ANKRD45: variants seen among roughly 807,000 people sequenced by gnomAD.
ANKRD45 encodes ankyrin repeat domain-containing protein 45.
In ANKRD45, 21 loss-of-function variants were observed where a neutral mutation model predicts 28.1. That is an observed-to-expected ratio of 0.75 (90% CI 0.53 to 1.08). ANKRD45 has a LOEUF of 1.08. Ranked by LOEUF, ANKRD45 falls within the 50% of genes least tolerant of loss-of-function variation. ANKRD45 has a pLI of 0.00. For synonymous variants in ANKRD45, 86 were observed against 103.9 expected, an observed-to-expected ratio of 0.83 and a Z score of 1.05; for missense variants, 261 against 308.7, an observed-to-expected ratio of 0.85 and a Z score of 1.16.
At chr1:173,654,101 T>C (rs1008305697) in intron 2 of ANKRD45, among the ~76,000 whole-genome samples, 1 of 151,630 alleles carries the variant, frequency 6.6e-6, no homozygotes, top group Admixed American at 6.6e-5. Context: ...TTTACATTTA[T>C]GGTTAATATT....
chr1:173,621,665 T>G (rs1667710136), intron 5 of ANKRD45, among the ~76,000 whole-genome samples: 2 of 152,042 alleles, frequency 1.3e-5, no homozygotes, highest in Non-Finnish European at 2.9e-5. Flanking sequence ...CTCAAAATAA[T>G]CAGAGCCCTA....
chr1:173,664,772 G>A (rs1229283048), intron 1 of ANKRD45, among the ~76,000 whole-genome samples: 2 of 152,062 alleles, frequency 1.3e-5, no homozygotes, highest in African/African-American at 4.8e-5. Flanking sequence ...ACATTTCTTT[G>A]TGTTACTTTC....
rs1317962998 is a variant in ANKRD45, at chr1:173,609,549, G to C, written c.*596C>G. The C allele has an allele frequency of 6.6e-6, 1 of 152,254 alleles. No homozygotes were observed. Among genetic ancestry groups the C allele is most frequent in the Non-Finnish European group, 1.5e-5 (1 of 68,090 alleles). 9.4% of individuals were successfully genotyped at this position (152,254 alleles called of 1,614,324 possible). A position where few individuals can be genotyped will look rare whatever the true frequency, so the allele number is the denominator to read the frequency against. On this transcript the variant is annotated 3_prime_UTR_variant, in exon 6 of 6. Coordinates refer to ENST00000333279, the MANE Select transcript of ANKRD45 (RefSeq NM_198493.3). ...TCTGTATTGCCAGCCTTACAGAATAGGAGAACTCTTCTAAGTATAAAACTA... is the reference window on the plus strand; with the variant it reads ...TCTGTATTGCCAGCCTTACAGAATACGAGAACTCTTCTAAGTATAAAACTA...
the ANKRD45 span, among the ~76,000 whole-genome samples, chr1:173,680,559 T>C: frequency 1.3e-5 from 2 of 151,340 alleles, no homozygotes; most frequent in Non-Finnish European, 3.0e-5. Flanking sequence ...GGTTGATGGG[T>C]GCAGCAAACC....
the ANKRD45 span, among the ~76,000 whole-genome samples, chr1:173,713,430 C>T: frequency 3.3e-5 from 5 of 151,088 alleles, no homozygotes; most frequent in African/African-American, 1.2e-4. Context: ...TTCCCCAAAA[C>T]TCAATTGCCT....
At chr1:173,703,535 A>G in the ANKRD45 span, among the ~76,000 whole-genome samples, 2 of 152,034 alleles carry the variant, frequency 1.3e-5, no homozygotes, top group East Asian at 1.9e-4. Context: ...ATCCATTCAC[A>G]TGCCTCTACC....
intron 3 of ANKRD45, among the ~76,000 whole-genome samples, chr1:173,637,558 TTCTCCTCTGCCTTTGC>T (rs565376025): frequency 4.6e-5 from 7 of 152,330 alleles, no homozygotes; most frequent in African/African-American, 1.4e-4. Flanking sequence ...TCTTCCTTTG[TTCTCCTCTGCCTTTGC>T]CTCTTTTGGG....
At chr1:173,622,798 T>C (rs372598808) in intron 5 of ANKRD45, among the ~76,000 whole-genome samples, 1 of 151,942 alleles carries the variant, frequency 6.6e-6, no homozygotes. Context: ...AAAGGAAAAA[T>C]TGACAAATAG....
the ANKRD45 span, among the ~76,000 whole-genome samples, chr1:173,690,055 G>GCCCCC: frequency 1.9e-4 from 9 of 46,198 alleles, no homozygotes; most frequent in Non-Finnish European, 2.5e-4. Flanking sequence ...GCCAATGCCT[G>GCCCCC]CCCCCCGCCC....
intron 5 of ANKRD45, among the ~76,000 whole-genome samples, chr1:173,614,078 G>C (rs1347839219): frequency 1.3e-5 from 2 of 152,078 alleles, no homozygotes; most frequent in Admixed American, 6.6e-5. Flanking sequence ...CAGCAGACTC[G>C]CTAAGAGTCA....
intron 5 of ANKRD45, among the ~76,000 whole-genome samples, chr1:173,620,847 C>CA (rs954260676): frequency 3.3e-5 from 5 of 151,398 alleles, no homozygotes; most frequent in Non-Finnish European, 7.4e-5. Flanking sequence ...AAAAACCCTT[C>CA]AAAAAAATCA....
chr1:173,673,609 A>G (rs1269283825), upstream of ANKRD45, among the ~76,000 whole-genome samples: 1 of 149,494 alleles, frequency 6.7e-6, no homozygotes, highest in African/African-American at 2.6e-5. Flanking sequence ...TAGCAACTCT[A>G]TAAGTTGCTA....
At chr1:173,686,919 A>G in the ANKRD45 span, among the ~76,000 whole-genome samples, 1 of 152,292 alleles carries the variant, frequency 6.6e-6, no homozygotes, top group African/African-American at 2.4e-5. Context: ...CCAGAAGGTA[A>G]GATTTTTATA....
chr1:173,642,331 AT>A (rs1323575738), intron 3 of ANKRD45, among the ~76,000 whole-genome samples: 1 of 152,208 alleles, frequency 6.6e-6, no homozygotes, highest in African/African-American at 2.4e-5. Context: ...TACAAAGTTA[AT>A]TCCTAACTTT....
chr1:173,633,493 T>TAGA (rs1668284513), intron 3 of ANKRD45, among the ~76,000 whole-genome samples: 1 of 151,702 alleles, frequency 6.6e-6, no homozygotes, highest in Admixed American at 6.6e-5. Flanking sequence ...GAAAAAACAA[T>TAGA]ACTAAAATTT....
intron 5 of ANKRD45, among the ~76,000 whole-genome samples, chr1:173,615,442 T>G (rs1667423724): frequency 6.6e-6 from 1 of 150,956 alleles, no homozygotes; most frequent in Non-Finnish European, 1.5e-5. Flanking sequence ...GGTCTAGTGC[T>G]CCTAAGTGCA....
the ANKRD45 span, among the ~76,000 whole-genome samples, chr1:173,704,953 G>A: frequency 6.6e-6 from 1 of 152,208 alleles, no homozygotes; most frequent in Non-Finnish European, 1.5e-5. Flanking sequence ...TCTGACGCTG[G>A]GATGATCCTT....
rs1241282000 is a variant in ANKRD45 at position 173,624,907 on chromosome 1, A to G, written c.610T>C (p.Cys204Arg). 2 of 1,613,518 alleles carry G rather than the reference A, an allele frequency of 1.2e-6. No individual in the cohort carries two copies. The highest frequency in any genetic ancestry group is 8.5e-7 in the Non-Finnish European group (1 of 1,179,756). The change falls in exon 5 of 6, where the codon TGC becomes CGC. Residue 204 changes from cysteine to arginine, a missense_variant. Transcript: ENST00000333279. ...TCCAACCACTCATTTTTTGCACGGC[A>G]TGCACTGAGGATGGTATTCTAGGGA... ...KEDKNTILSA[C>R]RAKNEWLETH...
At chr1:173,666,112 G>A (rs1670006692) in intron 1 of ANKRD45, among the ~76,000 whole-genome samples, 1 of 152,118 alleles carries the variant, frequency 6.6e-6, no homozygotes, top group African/African-American at 2.4e-5. Flanking sequence ...AAATAACTAG[G>A]CCTGAATACA....
Sources: gnomAD v4.1 joint callset for allele counts (sites outside exome capture counted in the v4.1 genomes callset) on GRCh38, gnomAD v4.1.1 for gene constraint, MANE v1.5 for transcripts, NCBI Gene and HGNC (gene_info 2026-07-23, HGNC 2026-07-21) for gene names.